Variants in MARCHF6 observed in about 807,000 individuals in gnomAD.
The protein encoded by MARCHF6 is membrane associated ring-CH-type finger 6.
MARCHF6 carries 31 observed loss-of-function variants against 133.7 expected under a neutral mutation model. The observed-to-expected ratio is 0.23, with a 90% CI of 0.17 to 0.31. The LOEUF is 0.31. Among genes scored for constraint, MARCHF6 ranks in the 10% least tolerant of loss-of-function variants. The pLI is 1.00. For synonymous variants in MARCHF6, 395 were observed against 402.5 expected (o/e 0.98, Z 0.22); for missense variants, 723 against 1,121.6 (o/e 0.64, Z 5.08).
intron 1 of MARCHF6, among the ~76,000 whole-genome samples, chr5:10,369,779 C>T (rs1244378850): frequency 6.6e-6 from 1 of 152,008 alleles, no homozygotes; most frequent in Non-Finnish European, 1.5e-5. Flanking sequence ...TAACTTAATA[C>T]AATGTTTGAG....
chr5:10,365,104 C>G (rs1478658570), intron 1 of MARCHF6, among the ~76,000 whole-genome samples: 1 of 151,808 alleles, frequency 6.6e-6, no homozygotes, highest in Non-Finnish European at 1.5e-5. Context: ...CACCCAGCCT[C>G]CCTGCTTCTT....
rs1242318567 is a variant in MARCHF6, at chr5:10,439,904, A to C, written c.*6220A>C. On this transcript the variant is annotated 3_prime_UTR_variant, in exon 26 of 26. Coordinates refer to ENST00000274140, the MANE Select transcript of MARCHF6 (RefSeq NM_005885.4). ...GTCAGGCCTTCGTGCCTTTGCACTTACTATTTGCAATACCCAAATGTTCTT... is the reference window on the plus strand; with the variant it reads ...GTCAGGCCTTCGTGCCTTTGCACTTCCTATTTGCAATACCCAAATGTTCTT... The C allele has an allele frequency of 2.0e-5, 3 of 152,248 alleles. No individual in the cohort carries two copies. The highest frequency in any genetic ancestry group is 4.4e-5 in the Non-Finnish European group (3 of 68,076). 9.4% of individuals were successfully genotyped at this position (152,248 alleles called of 1,614,324 possible).
rs1280931754 is a variant in MARCHF6 at position 10,439,226 on chromosome 5, AATG to A, written c.*5546_*5548del. On this transcript the variant is annotated 3_prime_UTR_variant, in exon 26 of 26. Coordinates refer to ENST00000274140, the MANE Select transcript of MARCHF6 (RefSeq NM_005885.4). ...GACAGAGGTGCAAAGGTCTTGAAAA[AATG>A]ATGCTGGAATAATTGGGCATCAGAT... The A allele has an allele frequency of 1.3e-5, 2 of 152,238 alleles. No homozygotes were observed. The highest frequency in any genetic ancestry group is 1.9e-4 in the East Asian group (1 of 5,198). 9.4% of individuals were successfully genotyped at this position (152,238 alleles called of 1,614,324 possible). A position where few individuals can be genotyped will look rare whatever the true frequency, so the allele number is the denominator to read the frequency against.
Position 10,353,698 on chromosome 5 carries a change from C to T in MARCHF6, c.-201C>T, listed in dbSNP as rs1314614493. The T allele has an allele frequency of 5.7e-5, 13 of 226,780 alleles. 1 individual carries two copies. The highest frequency in any genetic ancestry group is 1.1e-4 in the South Asian group (3 of 28,310). The allele number at this position is 226,780 out of a possible 1,614,324, so 14.0% of individuals were successfully genotyped here. A position where few individuals can be genotyped will look rare whatever the true frequency, so the allele number is the denominator to read the frequency against. ...CGCCCAGGCCTCGCCCCTAGGTGTT[C>T]CCGCCCCTCCCCCTCCCGTGTCGCT... On this transcript the variant is annotated 5_prime_UTR_variant, in exon 1 of 26. Coordinates refer to ENST00000274140, the MANE Select transcript of MARCHF6 (RefSeq NM_005885.4).
In MARCHF6 at chr5:10,372,975, G is replaced by A. The variant is rs887854135; in HGVS notation, c.20-4823G>A. Among the ~76,000 whole-genome samples, 3 of 151,956 alleles carry A rather than the reference G, an allele frequency of 2.0e-5. No homozygotes were observed. In the East Asian group the frequency reaches 5.8e-4, roughly 29 times the overall value. ...CTTTGGGAGCTGAGATGGGAGGATT[G>A]CCTGAGGCCAGGAGTTAGAGGTTAC... On this transcript the variant is annotated intron_variant, in intron 1 of 25. Coordinates refer to ENST00000274140, the MANE Select transcript of MARCHF6 (RefSeq NM_005885.4).
At chr5:10,416,004 C>A (rs1404006684) in intron 21 of MARCHF6, among the ~76,000 whole-genome samples, 1 of 152,124 alleles carries the variant, frequency 6.6e-6, no homozygotes, top group East Asian at 1.9e-4. Flanking sequence ...AAGACCCCAT[C>A]TGTATTTTAA....
At chr5:10,400,998 C>A in intron 11 of MARCHF6, 156 bp downstream of exon 11, 1 of 603,160 alleles carries the variant, frequency 1.7e-6, no homozygotes, top group Non-Finnish European at 2.9e-6. Flanking sequence ...AAAAAAATAA[C>A]AGTGGCTCAA....
intron 1 of MARCHF6, among the ~76,000 whole-genome samples, chr5:10,376,615 T>G (rs1213647479): frequency 6.6e-6 from 1 of 152,120 alleles, no homozygotes; most frequent in African/African-American, 2.4e-5. Context: ...CAAATGGCAT[T>G]CAGCCATCTG....
At position 10,436,532 on chromosome 5, in the gene MARCHF6, A is replaced by G. The variant is rs557711765; in HGVS notation, c.*2848A>G. 4.8e-4 allele frequency: 73 copies of G among 152,218 alleles called. No homozygotes were observed. Among genetic ancestry groups the G allele is most frequent in the African/African-American group, 1.5e-3 (64 of 41,536 alleles). 9.4% of individuals were successfully genotyped at this position (152,218 alleles called of 1,614,324 possible). A position where few individuals can be genotyped will look rare whatever the true frequency, so the allele number is the denominator to read the frequency against. On this transcript the variant is annotated 3_prime_UTR_variant, in exon 26 of 26. Coordinates refer to ENST00000274140, the MANE Select transcript of MARCHF6 (RefSeq NM_005885.4). ...CTTAATTTTATATTGGGTTAAAACAACCTTCAAGAAGGTTAACTAGGAAAG... is the reference window on the plus strand; with the variant it reads ...CTTAATTTTATATTGGGTTAAAACAGCCTTCAAGAAGGTTAACTAGGAAAG...
intron 22 of MARCHF6, among the ~76,000 whole-genome samples, chr5:10,417,649 T>C (rs888892322): frequency 2.1e-5 from 3 of 139,542 alleles, no homozygotes; most frequent in Non-Finnish European, 4.5e-5. Context: ...CACAGGAGGT[T>C]GAGGCTGAAG....
intron 17 of MARCHF6, 129 bp from the exon 18 acceptor site, chr5:10,410,010 G>A (rs1455575614): frequency 3.1e-6 from 3 of 979,148 alleles, no homozygotes; most frequent in Admixed American, 2.3e-5. Context: ...CACTGAGTTG[G>A]AGAGAGAATG....
rs1188426325 is a variant in MARCHF6, at chr5:10,433,850, C to T, written c.*166C>T. ...CAGCGGTGTAAGATTCTGCTGTTCT[C>T]CCTGGATCTTCTGACATTACTGCTG... is the stretch of plus-strand genomic sequence containing the variant. On this transcript the variant is annotated 3_prime_UTR_variant, in exon 26 of 26. Coordinates refer to ENST00000274140, the MANE Select transcript of MARCHF6 (RefSeq NM_005885.4). 1 of 612,438 alleles carries T rather than the reference C, an allele frequency of 1.6e-6. No individual in the cohort carries two copies. Among genetic ancestry groups the T allele is most frequent in the African/African-American group, 1.9e-5 (1 of 53,918 alleles). The allele number at this position is 612,438 out of a possible 1,614,324, so 37.9% of individuals were successfully genotyped here. A position where few individuals can be genotyped will look rare whatever the true frequency, so the allele number is the denominator to read the frequency against.
chr5:10,356,162 T>A (rs1735446362), intron 1 of MARCHF6, among the ~76,000 whole-genome samples: 1 of 152,034 alleles, frequency 6.6e-6, no homozygotes, highest in Admixed American at 6.5e-5. Flanking sequence ...AAAAATGTTC[T>A]ATTTGTGAAA....
At chr5:10,386,026 TA>T (rs1324860084) in intron 4 of MARCHF6, among the ~76,000 whole-genome samples, 17 of 151,912 alleles carry the variant, frequency 1.1e-4, no homozygotes, top group Admixed American at 2.6e-4. Context: ...TGTGCTGTCT[TA>T]TTTTTTTTTT....
chr5:10,390,253 T>C, intron 5 of MARCHF6, 79 bp from the exon 6 acceptor site: 1 of 1,178,740 alleles, frequency 8.5e-7, no homozygotes, highest in Non-Finnish European at 1.2e-6. Flanking sequence ...GAGACTTTAG[T>C]ATAAGAAAAT....
intron 16 of MARCHF6, 83 bp from the exon 17 acceptor site, chr5:10,407,019 C>T: frequency 2.7e-6 from 2 of 728,240 alleles, no homozygotes; most frequent in Non-Finnish European, 4.8e-6. Context: ...CTGCATATTG[C>T]TTGAGTGTGC....
intron 20 of MARCHF6, among the ~76,000 whole-genome samples, chr5:10,415,019 A>T (rs1739422414): frequency 6.6e-6 from 1 of 152,222 alleles, no homozygotes; most frequent in African/African-American, 2.4e-5. Flanking sequence ...TTATTAAAAT[A>T]AGCTTAGTTT....
At chr5:10,429,530 CT>C (rs1482940715) in intron 24 of MARCHF6, among the ~76,000 whole-genome samples, 1 of 151,940 alleles carries the variant, frequency 6.6e-6, no homozygotes, top group Non-Finnish European at 1.5e-5. Flanking sequence ...TCCTGAGTAG[CT>C]GGGACTACAG....
intron 9 of MARCHF6, among the ~76,000 whole-genome samples, chr5:10,395,879 A>G (rs1480207551): frequency 6.6e-6 from 1 of 152,176 alleles, no homozygotes; most frequent in East Asian, 1.9e-4. Context: ...ATCTGGTATA[A>G]TTCCACAGTT....
Sources: gnomAD v4.1 joint callset for allele counts (sites outside exome capture counted in the v4.1 genomes callset) on GRCh38, gnomAD v4.1.1 for gene constraint, MANE v1.5 for transcripts, NCBI Gene and HGNC (gene_info 2026-07-23, HGNC 2026-07-21) for gene names.